The following CMIP variants were observed in gnomAD, a reference collection of about 807,000 sequenced individuals.
CMIP encodes c-Maf inducing protein, also known as C-Maf-inducing protein.
CMIP carries 13 observed loss-of-function variants against 97.3 expected under a neutral mutation model. That is an observed-to-expected ratio of 0.13 (90% CI 0.09 to 0.21). CMIP has a LOEUF of 0.21. Among genes scored for constraint, CMIP ranks in the 10% least tolerant of loss-of-function variants. CMIP has a pLI of 1.00. For synonymous variants in CMIP, 538 were observed against 436.3 expected, an observed-to-expected ratio of 1.23 and a Z score of -2.91; for missense variants, 847 against 1,024.9, an observed-to-expected ratio of 0.83 and a Z score of 2.37.
chr16:81,546,866 C>T (rs780930984), intron 1 of CMIP, among the ~76,000 whole-genome samples: 1 of 152,170 alleles, frequency 6.6e-6, no homozygotes, highest in Non-Finnish European at 1.5e-5. Context: ...TTGTGAGGCA[C>T]GTAGCCACAC....
intron 1 of CMIP, among the ~76,000 whole-genome samples, chr16:81,606,329 C>T (rs1396009228): frequency 1.3e-5 from 2 of 152,178 alleles, no homozygotes; most frequent in East Asian, 1.9e-4. Context: ...AAATGATTGC[C>T]ATGTGCCCAG....
At chr16:81,586,404 G>A (rs900523182) in intron 1 of CMIP, among the ~76,000 whole-genome samples, 3 of 152,184 alleles carry the variant, frequency 2.0e-5, no homozygotes, top group African/African-American at 4.8e-5. Flanking sequence ...CTGCCTACTT[G>A]TTTGTAGACA....
intron 1 of CMIP, among the ~76,000 whole-genome samples, chr16:81,549,182 G>T (rs1013924613): frequency 6.6e-6 from 1 of 152,244 alleles, no homozygotes; most frequent in African/African-American, 2.4e-5. Flanking sequence ...CTAAGTGCAG[G>T]TTGCAGGATG....
At chr16:81,505,615 C>T (rs899343731) in intron 1 of CMIP, among the ~76,000 whole-genome samples, 1 of 152,200 alleles carries the variant, frequency 6.6e-6, no homozygotes, top group Admixed American at 6.5e-5. Flanking sequence ...GAGCTCTGCA[C>T]AGAAACTTTG....
chr16:81,701,844 C>CA (rs1567673886), intron 16 of CMIP, 44 bp downstream of exon 16: 13 of 1,609,394 alleles, frequency 8.1e-6, no homozygotes, highest in Non-Finnish European at 1.1e-5. Flanking sequence ...CCCAGCAGGC[C>CA]AGGGGGGGCC....
chr16:81,456,135 C>T (rs986183185), intron 1 of CMIP, among the ~76,000 whole-genome samples: 3 of 152,176 alleles, frequency 2.0e-5, no homozygotes, highest in East Asian at 1.9e-4. Flanking sequence ...TGGAAGAGCT[C>T]GAACTGTCCC....
At position 81,691,127 on chromosome 16, in the gene CMIP, G is replaced by A. The variant is rs143347786; in HGVS notation, c.1389-648G>A. 4.0e-3 allele frequency among the ~76,000 whole-genome samples: 603 copies of A among 152,284 alleles called. 1 individual carries two copies. Among genetic ancestry groups the A allele is most frequent in the African/African-American group, 0.014 (565 of 41,548 alleles). On this transcript the variant is annotated intron_variant, in intron 10 of 20. Coordinates refer to ENST00000537098, the MANE Select transcript of CMIP (RefSeq NM_198390.3). ...CCCCCTACATTAGTTTGCTAGGACT[G>A]CTATAAAGTACCATCAACCTCATAG...
chr16:81,508,599 G>A (rs2089753485), intron 1 of CMIP, among the ~76,000 whole-genome samples: 1 of 152,220 alleles, frequency 6.6e-6, no homozygotes, highest in African/African-American at 2.4e-5. Flanking sequence ...ATGCAAAAAT[G>A]TCTCTGGGAA....
Position 81,678,549 on chromosome 16 carries a change from G to A in CMIP, c.1309G>A (p.Ala437Thr), listed in dbSNP as rs771200202. ...NLIDCLMVSPACSTMSIELGP... is the reference protein window; with the variant it reads ...NLIDCLMVSPTCSTMSIELGP... ...CATCGACTGCCTCATGGTCAGCCCCGCCTGCAGCACCATGAGCATCGAGCT... is the reference window on the plus strand; with the variant it reads ...CATCGACTGCCTCATGGTCAGCCCCACCTGCAGCACCATGAGCATCGAGCT... The change falls in exon 10 of 21, where the codon GCC becomes ACC. Residue 437 changes from alanine to threonine, a missense_variant. By Grantham distance (58) the Ala-to-Thr change is moderately conservative. Transcript: ENST00000537098. 1.3e-4 allele frequency: 207 copies of A among 1,608,262 alleles called. No individual in the cohort carries two copies. Among genetic ancestry groups the A allele is most frequent in the Non-Finnish European group, 1.7e-4 (198 of 1,178,354 alleles).
chr16:81,550,639 C>A (rs1479360848), intron 1 of CMIP, among the ~76,000 whole-genome samples: 1 of 152,154 alleles, frequency 6.6e-6, no homozygotes, highest in Non-Finnish European at 1.5e-5. Flanking sequence ...CCCAGTGGAG[C>A]TGTTTGTGCT....
At chr16:81,493,349 C>T (rs974868956) in intron 1 of CMIP, among the ~76,000 whole-genome samples, 2 of 145,452 alleles carry the variant, frequency 1.4e-5, no homozygotes, top group African/African-American at 2.6e-5. Context: ...ACTCACCCTC[C>T]GCGTTACCTG....
intron 4 of CMIP, among the ~76,000 whole-genome samples, chr16:81,656,382 T>C (rs2092482187): frequency 6.6e-6 from 1 of 152,240 alleles, no homozygotes. Flanking sequence ...TTGCCAACAC[T>C]GTTCAAATGA....
At chr16:81,491,857 T>C (rs1350755813) in intron 1 of CMIP, among the ~76,000 whole-genome samples, 1 of 152,206 alleles carries the variant, frequency 6.6e-6, no homozygotes, top group Non-Finnish European at 1.5e-5. Context: ...ACAGTGAACA[T>C]GCTGGTTTCT....
Position 81,528,325 on chromosome 16 carries a change from T to C in CMIP, c.301-79242T>C, listed in dbSNP as rs557045186. Among the ~76,000 whole-genome samples, 10 of 152,274 alleles carry C rather than the reference T, an allele frequency of 6.6e-5. No homozygotes were observed. The East Asian group carries it at 1.5e-3, about 23-fold the overall frequency. On this transcript the variant is annotated intron_variant, in intron 1 of 20. Coordinates refer to ENST00000537098, the MANE Select transcript of CMIP (RefSeq NM_198390.3). ...ATGCCAAGGCTGGCCCTTCCTCCTA[T>C]GACCCTGTGGCTCCCCAGTCCACCA...
chr16:81,607,292 G>C (rs568110137), intron 1 of CMIP, among the ~76,000 whole-genome samples: 2 of 152,358 alleles, frequency 1.3e-5, no homozygotes, highest in Admixed American at 6.5e-5. Flanking sequence ...AAGAGCAGCA[G>C]TCCCTCAGTT....
chr16:81,615,477 G>A (rs939936448), intron 2 of CMIP, among the ~76,000 whole-genome samples: 1 of 147,054 alleles, frequency 6.8e-6, no homozygotes, highest in Non-Finnish European at 1.5e-5. Flanking sequence ...GTGTATTTGT[G>A]TGTGTGGTGT....
chr16:81,495,718 G>A (rs2089477638), intron 1 of CMIP, among the ~76,000 whole-genome samples: 1 of 152,224 alleles, frequency 6.6e-6, no homozygotes, highest in Non-Finnish European at 1.5e-5. Context: ...TGGAGGACTT[G>A]AGACATTGTG....
chr16:81,458,638 G>A (rs1906708559), intron 1 of CMIP, among the ~76,000 whole-genome samples: 1 of 152,190 alleles, frequency 6.6e-6, no homozygotes, highest in Non-Finnish European at 1.5e-5. Context: ...TTGCAGGGAG[G>A]TGGAGGCGTT....
intron 14 of CMIP, among the ~76,000 whole-genome samples, chr16:81,699,484 T>C (rs1221659474): frequency 2.0e-5 from 3 of 152,206 alleles, no homozygotes; most frequent in Non-Finnish European, 4.4e-5. Context: ...CATAGTGTCC[T>C]CAGGGTTCAT....
Sources: gnomAD v4.1 joint callset for allele counts (sites outside exome capture counted in the v4.1 genomes callset) on GRCh38, gnomAD v4.1.1 for gene constraint, MANE v1.5 for transcripts, NCBI Gene and HGNC (gene_info 2026-07-23, HGNC 2026-07-21) for gene names.